GUCY1A2: variants seen among roughly 807,000 people sequenced by gnomAD.
The protein encoded by GUCY1A2 is guanylate cyclase soluble subunit alpha-2.
Under a neutral mutation model 63.5 loss-of-function variants are expected in GUCY1A2, and 27 were observed. The ratio of observed to expected loss-of-function variants is 0.43; its 90% CI spans 0.31 to 0.59. GUCY1A2 has a LOEUF of 0.59. Ranked by LOEUF, GUCY1A2 falls within the 20% of genes least tolerant of loss-of-function variation. GUCY1A2 has a pLI of 0.11. For synonymous variants in GUCY1A2, 364 were observed against 343.5 expected, an observed-to-expected ratio of 1.06 and a Z score of -0.66; for missense variants, 768 against 913.3, an observed-to-expected ratio of 0.84 and a Z score of 2.05.
Position 107,008,278 on chromosome 11 carries a change from CA to C in GUCY1A2, c.303+9474del, listed in dbSNP as rs60060457. Among the ~76,000 whole-genome samples the C allele has an allele frequency of 2.4e-3, 230 of 95,456 alleles. No individual in the cohort carries two copies. In the East Asian group the frequency reaches 0.036, roughly 15 times the overall value. The allele number at this position is 95,456 out of a possible 152,430, so 62.6% of individuals were successfully genotyped here. On this transcript the variant is annotated intron_variant, in intron 1 of 7. Transcript: ENST00000526355. ...TGGGCGACAGAGCAAGACTCCATCT[CA>C]AAAAAAAAAAAAAAAAAAAAGATAA...
chr11:106,845,928 G>A (rs1298672598), intron 4 of GUCY1A2, among the ~76,000 whole-genome samples: 1 of 151,528 alleles, frequency 6.6e-6, no homozygotes, highest in Non-Finnish European at 1.5e-5. Flanking sequence ...CCTTAACTAA[G>A]TAATTTAAGA....
chr11:106,824,224 G>C (rs1173501472), intron 4 of GUCY1A2: 3 of 1,091,658 alleles, frequency 2.7e-6, no homozygotes, highest in Admixed American at 4.0e-5. Flanking sequence ...ATTTTAAAAA[G>C]TATATTAAAG....
intron 7 of GUCY1A2, among the ~76,000 whole-genome samples, chr11:106,707,156 A>T (rs2135347983): frequency 6.6e-6 from 1 of 152,228 alleles, no homozygotes; most frequent in South Asian, 2.1e-4. Flanking sequence ...CAAGAGCTTT[A>T]AAATGTATTT....
intron 6 of GUCY1A2, among the ~76,000 whole-genome samples, chr11:106,764,699 G>A (rs942364014): frequency 1.3e-5 from 2 of 152,022 alleles, no homozygotes; most frequent in East Asian, 1.9e-4. Context: ...CTCTAGCTTG[G>A]CATAATGCTG....
chr11:106,898,630 A>G (rs561647748), intron 4 of GUCY1A2, among the ~76,000 whole-genome samples: 4 of 152,322 alleles, frequency 2.6e-5, no homozygotes, highest in African/African-American at 9.6e-5. Context: ...GTCCAACTAT[A>G]TAACATTCTG....
At chr11:106,711,608 G>T (rs553227698) in intron 6 of GUCY1A2, among the ~76,000 whole-genome samples, 24 of 152,196 alleles carry the variant, frequency 1.6e-4, no homozygotes, top group African/African-American at 5.8e-4. Flanking sequence ...ATGGGATGTG[G>T]AAAGATAGCA....
rs565099083 is a variant in GUCY1A2, at chr11:106,851,523, T to C, written c.1207-41045A>G. On this transcript the variant is annotated intron_variant, in intron 4 of 7. Transcript: ENST00000526355. ...ATTTACTCCATCTTGAGTTGGTTTCTGTCTATGGTGAGAGAGAGGAGTCTA... is the reference window on the plus strand; with the variant it reads ...ATTTACTCCATCTTGAGTTGGTTTCCGTCTATGGTGAGAGAGAGGAGTCTA... Among the ~76,000 whole-genome samples, 14 of 152,156 alleles carry C rather than the reference T, an allele frequency of 9.2e-5. 1 individual carries two copies. In the South Asian group the frequency reaches 2.3e-3, roughly 25 times the overall value.
chr11:106,899,570 TTTA>T (rs1860098158), intron 4 of GUCY1A2, among the ~76,000 whole-genome samples: 1 of 152,216 alleles, frequency 6.6e-6, no homozygotes, highest in African/African-American at 2.4e-5. Flanking sequence ...CAACCTGTTG[TTTA>T]GTCTAACTTA....
At chr11:107,004,398 C>T (rs1263911602) in intron 1 of GUCY1A2, among the ~76,000 whole-genome samples, 1 of 152,108 alleles carries the variant, frequency 6.6e-6, no homozygotes, top group Non-Finnish European at 1.5e-5. Context: ...AATTCTGGCT[C>T]CATAGCAGTT....
At chr11:106,830,724 G>C (rs1168187216) in intron 4 of GUCY1A2, among the ~76,000 whole-genome samples, 1 of 152,126 alleles carries the variant, frequency 6.6e-6, no homozygotes, top group East Asian at 1.9e-4. Context: ...ATGATTGTGT[G>C]AGTTAATACT....
chr11:106,764,235 G>A (rs534011122), intron 6 of GUCY1A2, among the ~76,000 whole-genome samples: 8 of 152,036 alleles, frequency 5.3e-5, no homozygotes, highest in Non-Finnish European at 7.4e-5. Flanking sequence ...CTGCTATTAC[G>A]TCTTCACACT....
intron 5 of GUCY1A2, among the ~76,000 whole-genome samples, chr11:106,786,309 AC>A (rs1864555723): frequency 6.6e-6 from 1 of 152,236 alleles, no homozygotes. Flanking sequence ...ATTTTGGTTG[AC>A]ATTTTTGACC....
At chr11:106,816,060 C>CTGA (rs1858826792) in intron 4 of GUCY1A2, among the ~76,000 whole-genome samples, 1 of 150,834 alleles carries the variant, frequency 6.6e-6, no homozygotes. Flanking sequence ...CCACAGAAAA[C>CTGA]TGATACCTTA....
At chr11:107,013,334 A>G (rs546587040) in intron 1 of GUCY1A2, among the ~76,000 whole-genome samples, 1 of 152,314 alleles carries the variant, frequency 6.6e-6, no homozygotes, top group South Asian at 2.1e-4. Flanking sequence ...ACAGGCTGAC[A>G]CCAGCAAACC....
At chr11:106,903,311 C>G (rs1860160215) in intron 4 of GUCY1A2, among the ~76,000 whole-genome samples, 1 of 152,020 alleles carries the variant, frequency 6.6e-6, no homozygotes, top group Non-Finnish European at 1.5e-5. Flanking sequence ...TTTCTCAGTT[C>G]AACTGTATTG....
chr11:106,977,606 T>A (rs1406792147), intron 3 of GUCY1A2, among the ~76,000 whole-genome samples: 1 of 152,214 alleles, frequency 6.6e-6, no homozygotes, highest in Non-Finnish European at 1.5e-5. Context: ...TCTAGAAGTC[T>A]GACATGTTTA....
At chr11:106,787,516 AAGAGAGAAAGGG>A (rs1565289820) in intron 5 of GUCY1A2, among the ~76,000 whole-genome samples, 1 of 136,608 alleles carries the variant, frequency 7.3e-6, no homozygotes, top group Non-Finnish European at 1.6e-5. Context: ...AGAAAAAGGA[AAGAGAGAAAGGG>A]AGAGAGAAAG....
At chr11:106,962,832 A>T (rs1478148112) in intron 3 of GUCY1A2, among the ~76,000 whole-genome samples, 1 of 150,670 alleles carries the variant, frequency 6.6e-6, no homozygotes, top group Non-Finnish European at 1.5e-5. Context: ...AATGAACACC[A>T]TTTTTGAAAC....
intron 4 of GUCY1A2, among the ~76,000 whole-genome samples, chr11:106,908,289 A>G (rs1860241265): frequency 6.6e-6 from 1 of 152,058 alleles, no homozygotes; most frequent in Non-Finnish European, 1.5e-5. Context: ...ATTAATCTAT[A>G]AATATAACGT....
Sources: gnomAD v4.1 joint callset for allele counts (sites outside exome capture counted in the v4.1 genomes callset) on GRCh38, gnomAD v4.1.1 for gene constraint, MANE v1.5 for transcripts, NCBI Gene and HGNC (gene_info 2026-07-23, HGNC 2026-07-21) for gene names.